Variants in CUL5 observed in about 807,000 individuals in gnomAD.
The protein encoded by CUL5 is cullin 5.
CUL5 carries 26 observed loss-of-function variants against 108.8 expected under a neutral mutation model. The observed-to-expected ratio is 0.24, with a 90% CI of 0.18 to 0.33. The LOEUF is 0.33. Ranked by LOEUF, CUL5 falls within the 10% of genes least tolerant of loss-of-function variation. The pLI, the probability that CUL5 is intolerant of heterozygous loss-of-function variation, is 1.00. For missense variants in CUL5, 524 were observed against 909.2 expected, an observed-to-expected ratio of 0.58 and a Z score of 5.45; for synonymous variants, 334 against 298.0, an observed-to-expected ratio of 1.12 and a Z score of -1.25.
Position 108,070,087 on chromosome 11 carries a change from A to G in CUL5, c.781-9A>G, listed in dbSNP as rs765428469. ...ATAGTAGCCTTGACTAATTTTTGAT[A>G]TATTTCAGCTCATGGAATGCTGTGT... On this transcript the variant is annotated splice_polypyrimidine_tract_variant and intron_variant, in intron 7 of 18. Transcript: ENST00000393094. The G allele has an allele frequency of 2.5e-6, 4 of 1,594,070 alleles. No homozygotes were observed. The highest frequency in any genetic ancestry group is 2.2e-5 in the East Asian group (1 of 44,652).
chr11:108,063,822 A>C (rs891118417), intron 7 of CUL5, among the ~76,000 whole-genome samples: 1 of 152,024 alleles, frequency 6.6e-6, no homozygotes, highest in African/African-American at 2.4e-5. Context: ...ACTGCTCCAT[A>C]GTGCTTGTAC....
At chr11:108,013,231 C>T (rs1862096759) in intron 1 of CUL5, among the ~76,000 whole-genome samples, 1 of 152,294 alleles carries the variant, frequency 6.6e-6, no homozygotes, top group African/African-American at 2.4e-5. Context: ...TGACTTCCCT[C>T]CCCTGTCCCC....
At chr11:108,097,204 C>CT (rs1864523528) in intron 16 of CUL5, among the ~76,000 whole-genome samples, 1 of 152,108 alleles carries the variant, frequency 6.6e-6, no homozygotes. Context: ...TCAGTAGAGA[C>CT]GGGGTTTTGC....
intron 17 of CUL5, among the ~76,000 whole-genome samples, chr11:108,097,970 G>A (rs1043178856): frequency 6.6e-6 from 1 of 152,046 alleles, no homozygotes; most frequent in African/African-American, 2.4e-5. Flanking sequence ...ACATTATACT[G>A]TATTGCATTT....
intron 2 of CUL5, among the ~76,000 whole-genome samples, chr11:108,041,983 A>G (rs1016266046): frequency 6.6e-6 from 1 of 152,214 alleles, no homozygotes; most frequent in African/African-American, 2.4e-5. Context: ...TACTTTTGTT[A>G]TAGTAAACTA....
At chr11:108,084,289 A>G (rs1864171573) in intron 11 of CUL5, among the ~76,000 whole-genome samples, 1 of 152,258 alleles carries the variant, frequency 6.6e-6, no homozygotes, top group Non-Finnish European at 1.5e-5. Context: ...ATTGAAATGT[A>G]CAGAAATGCC....
Position 108,039,849 on chromosome 11 carries a change from T to A in CUL5, c.134+5938T>A, listed in dbSNP as rs116775342. ...TGGATCTGATGTTATTGTTTCTTCA[T>A]TTTCCCTTTGTTTTTATTAATTTTA... On this transcript the variant is annotated intron_variant, in intron 2 of 18. Coordinates refer to ENST00000393094, the MANE Select transcript of CUL5 (RefSeq NM_003478.6). 7.4e-3 allele frequency among the ~76,000 whole-genome samples: 1,123 copies of A among 152,328 alleles called. 17 individuals are homozygous for A. Among genetic ancestry groups the A allele is most frequent in the African/African-American group, 0.025 (1,050 of 41,574 alleles).
rs529415713 is a variant in CUL5, at chr11:108,104,527, A to G, written c.*143A>G. 22 of 544,698 alleles carry G rather than the reference A, an allele frequency of 4.0e-5. No individual in the cohort carries two copies. Among genetic ancestry groups the G allele is most frequent in the South Asian group, 6.5e-5 (2 of 30,850 alleles). The allele number at this position is 544,698 out of a possible 1,614,324, so 33.7% of individuals were successfully genotyped here. A position where few individuals can be genotyped will look rare whatever the true frequency, so the allele number is the denominator to read the frequency against. On this transcript the variant is annotated 3_prime_UTR_variant, in exon 19 of 19. Coordinates refer to ENST00000393094, the MANE Select transcript of CUL5 (RefSeq NM_003478.6). Reference sequence around the variant, plus strand: ...TCTGCCTTACCTTACAAAAACAACTATATTTTGCCAATCACATTAGTTAGC... The same window carrying G: ...TCTGCCTTACCTTACAAAAACAACTGTATTTTGCCAATCACATTAGTTAGC...
intron 1 of CUL5, among the ~76,000 whole-genome samples, chr11:108,018,988 G>C (rs551425492): frequency 6.6e-6 from 1 of 151,996 alleles, no homozygotes; most frequent in African/African-American, 2.4e-5. Context: ...AAAAAATTGC[G>C]TCTGTATTGA....
intron 1 of CUL5, among the ~76,000 whole-genome samples, chr11:108,014,109 A>G (rs1471208505): frequency 6.6e-6 from 1 of 152,206 alleles, no homozygotes; most frequent in African/African-American, 2.4e-5. Flanking sequence ...ATGCTCCCTC[A>G]CAGATTGAGG....
At chr11:108,056,416 C>G (rs1863379988) in intron 7 of CUL5, among the ~76,000 whole-genome samples, 1 of 152,036 alleles carries the variant, frequency 6.6e-6, no homozygotes, top group South Asian at 2.1e-4. Flanking sequence ...ATTCTTTGTT[C>G]AGAAATCACA....
chr11:108,089,693 C>A, intron 13 of CUL5, 70 bp downstream of exon 13: 2 of 832,678 alleles, frequency 2.4e-6, no homozygotes, highest in Non-Finnish European at 3.4e-6. Context: ...TTAAGTAATA[C>A]ATTTTGGAGA....
intron 1 of CUL5, among the ~76,000 whole-genome samples, chr11:108,011,161 G>A (rs1272745974): frequency 1.3e-5 from 2 of 152,148 alleles, no homozygotes; most frequent in African/African-American, 4.8e-5. Flanking sequence ...TATAAAGCAA[G>A]GTCTTTTTCT....
At chr11:108,095,187 A>G (rs77591987) in intron 15 of CUL5, among the ~76,000 whole-genome samples, 200 bp downstream of exon 15, 1,524 of 152,306 alleles carry the variant, frequency 0.01, 33 homozygotes, top group African/African-American at 0.035. Flanking sequence ...GCCGTTGTCT[A>G]CAGAATTCAA....
At chr11:108,078,013 A>G (rs1863983724) in intron 10 of CUL5, among the ~76,000 whole-genome samples, 163 bp from the exon 11 acceptor site, 1 of 152,224 alleles carries the variant, frequency 6.6e-6, no homozygotes, top group African/African-American at 2.4e-5. Context: ...TAATTATAAT[A>G]TGACAAAGAA....
At chr11:108,034,626 G>A (rs1482524782) in intron 2 of CUL5, among the ~76,000 whole-genome samples, 1 of 152,196 alleles carries the variant, frequency 6.6e-6, no homozygotes, top group Non-Finnish European at 1.5e-5. Context: ...AACCCTGAGA[G>A]ATTTCCTTTA....
rs1218828144 is a variant in CUL5 at position 108,041,285 on chromosome 11, CT to C, written c.135-4971del. Among the ~76,000 whole-genome samples the C allele has an allele frequency of 3.3e-3, 465 of 142,878 alleles. 4 individuals are homozygous for C. The highest frequency in any genetic ancestry group is 0.016 in the Admixed American group (230 of 14,238). The allele number at this position is 142,878 out of a possible 152,430, so 93.7% of individuals were successfully genotyped here. A position where few individuals can be genotyped will look rare whatever the true frequency, so the allele number is the denominator to read the frequency against. On this transcript the variant is annotated intron_variant, in intron 2 of 18. Coordinates refer to ENST00000393094, the MANE Select transcript of CUL5 (RefSeq NM_003478.6). ...TTAGCTTCTTTTGTTTCTGTTTTTTCTTTTTTTTTTTTTTGAGACGGAGTCT... is the reference window on the plus strand; with the variant it reads ...TTAGCTTCTTTTGTTTCTGTTTTTTCTTTTTTTTTTTTTGAGACGGAGTCT...
chr11:108,073,842 CT>C lies in CUL5; in HGVS notation c.1113+346del, dbSNP rs372740707. The C allele has an allele frequency of 6.5e-4, 104 of 159,562 alleles. 1 individual carries two copies. Among genetic ancestry groups the C allele is most frequent in the African/African-American group, 2.3e-3 (97 of 41,676 alleles). 9.9% of individuals were successfully genotyped at this position (159,562 alleles called of 1,614,324 possible). A position where few individuals can be genotyped will look rare whatever the true frequency, so the allele number is the denominator to read the frequency against. On this transcript the variant is annotated intron_variant, in intron 10 of 18. Transcript: ENST00000393094. ...CTTCCCCTGGAGCTTCCTTGATGTCCTGCCTCCCTCCACAGCTCATCACCAG... is the reference window on the plus strand; with the variant it reads ...CTTCCCCTGGAGCTTCCTTGATGTCCGCCTCCCTCCACAGCTCATCACCAG...
At chr11:108,057,267 G>C (rs111825673) in intron 7 of CUL5, among the ~76,000 whole-genome samples, 1 of 152,040 alleles carries the variant, frequency 6.6e-6, no homozygotes, top group African/African-American at 2.4e-5. Context: ...GGCTCGAGCA[G>C]TTCTCCCACC....
Sources: allele counts gnomAD v4.1 joint callset (sites outside exome capture counted in the v4.1 genomes callset), GRCh38; gene constraint gnomAD v4.1.1; transcripts MANE v1.5; gene names NCBI Gene and HGNC (gene_info 2026-07-23, HGNC 2026-07-21).